PHEX: variants seen among roughly 807,000 people sequenced by gnomAD.
PHEX encodes the protein phosphate-regulating neutral endopeptidase PHEX.
A neutral mutation model predicts 68.0 loss-of-function variants in PHEX; 16 were observed. The ratio of observed to expected loss-of-function variants is 0.24; its 90% CI spans 0.16 to 0.36. The LOEUF is 0.36. Among genes scored for constraint, PHEX ranks in the 10% least tolerant of loss-of-function variants. PHEX has a pLI of 1.00. For synonymous variants in PHEX, 208 were observed against 205.1 expected (o/e 1.01, Z -0.12); for missense variants, 480 against 575.5 (o/e 0.83, Z 1.70).
intron 1 of PHEX, among the ~76,000 whole-genome samples, chrX:22,036,311 C>T (rs1184683737): frequency 9.2e-6 from 1 of 108,986 alleles, no homozygotes; most frequent in South Asian, 3.9e-4. Flanking sequence ...CCGCCCACCT[C>T]GGCCACCCAA....
intron 1 of PHEX, among the ~76,000 whole-genome samples, chrX:22,034,615 C>G (rs1402542020): frequency 2.7e-5 from 3 of 111,920 alleles, no homozygotes; most frequent in Non-Finnish European, 5.6e-5. Flanking sequence ...TGCCCAATAA[C>G]CTGGCTCTCA....
intron 10 of PHEX, among the ~76,000 whole-genome samples, 153 bp downstream of exon 10, chrX:22,111,713 C>T (rs967298907): frequency 9.0e-6 from 1 of 110,925 alleles, no homozygotes; most frequent in Admixed American, 9.6e-5. Flanking sequence ...TGTGTGTGTG[C>T]CTTATTTATT....
intron 9 of PHEX, among the ~76,000 whole-genome samples, chrX:22,103,134 A>C (rs1930504192): frequency 9.1e-6 from 1 of 110,431 alleles, no homozygotes; most frequent in African/African-American, 3.3e-5. Context: ...TTTTCCATAA[A>C]TGTCTTGGTG....
At chrX:22,062,573 G>C (rs1033379112) in intron 3 of PHEX, among the ~76,000 whole-genome samples, 2 of 111,270 alleles carry the variant, frequency 1.8e-5, no homozygotes, top group African/African-American at 6.5e-5. Context: ...ATTTGGACCA[G>C]CCACATTGCA....
chrX:22,056,213 C>G (rs1928098401), intron 3 of PHEX, among the ~76,000 whole-genome samples: 1 of 112,304 alleles, frequency 8.9e-6, no homozygotes, highest in Non-Finnish European at 1.9e-5. Flanking sequence ...TCGTAAGTAA[C>G]AGACAGCCCA....
At chrX:22,154,851 A>C (rs1413305549) in intron 12 of PHEX, among the ~76,000 whole-genome samples, 1 of 112,237 alleles carries the variant, frequency 8.9e-6, no homozygotes, top group Non-Finnish European at 1.9e-5. Context: ...CAAGCCATAT[A>C]TGTGGGCACT....
intron 18 of PHEX, among the ~76,000 whole-genome samples, chrX:22,222,862 TA>T (rs1459087903): frequency 8.9e-6 from 1 of 111,867 alleles, no homozygotes; most frequent in Non-Finnish European, 1.9e-5. Flanking sequence ...TCAAAGAGAT[TA>T]AAATCCACGG....
chrX:22,131,396 C>G (rs972132839), intron 11 of PHEX, among the ~76,000 whole-genome samples: 2 of 112,730 alleles, frequency 1.8e-5, no homozygotes, highest in Non-Finnish European at 3.7e-5. Flanking sequence ...AAGTTAAGAA[C>G]CACCGACTTA....
At chrX:22,155,454 G>A (rs2147106473) in intron 12 of PHEX, among the ~76,000 whole-genome samples, 1 of 112,372 alleles carries the variant, frequency 8.9e-6, no homozygotes, top group Non-Finnish European at 1.9e-5. Flanking sequence ...ACTGGAGGAG[G>A]ATTAAGTAGC....
Position 22,113,923 on chromosome X carries a change from C to T in PHEX, c.1174-535C>T, listed in dbSNP as rs183378770. Among the ~76,000 whole-genome samples, 4 of 103,974 alleles carry T rather than the reference C, an allele frequency of 3.8e-5. No homozygotes were observed. In the East Asian group the frequency reaches 1.2e-3, roughly 32 times the overall value. The allele number at this position is 103,974 out of a possible 115,157, so 90.3% of individuals were successfully genotyped here. The stretch of plus-strand genomic sequence containing the variant: ...ACATATATTATTTTAACTGTTAAAT[C>T]ACTTTCTTTTCTTCTTCTTCTTTTT... On this transcript the variant is annotated intron_variant, in intron 10 of 21. Coordinates refer to ENST00000379374, the MANE Select transcript of PHEX (RefSeq NM_000444.6).
At chrX:22,227,469 C>A (rs930811305) in intron 19 of PHEX, 38 bp from the exon 20 acceptor site, 4 of 977,831 alleles carry the variant, frequency 4.1e-6, no homozygotes, top group Non-Finnish European at 5.9e-6. Flanking sequence ...GAAAAACCCA[C>A]CGTTGCAGAG....
At chrX:22,213,942 G>T (rs1569429322) in intron 16 of PHEX, among the ~76,000 whole-genome samples, 1 of 112,403 alleles carries the variant, frequency 8.9e-6, no homozygotes, top group African/African-American at 3.2e-5. Flanking sequence ...GGAAACACCA[G>T]TAGGGGAGTG....
intron 12 of PHEX, among the ~76,000 whole-genome samples, chrX:22,153,778 C>T (rs772562303): frequency 8.9e-5 from 10 of 111,925 alleles, no homozygotes; most frequent in African/African-American, 1.3e-4. Flanking sequence ...TATAATTAAA[C>T]GGAATATTAC....
intron 3 of PHEX, among the ~76,000 whole-genome samples, chrX:22,067,895 C>T (rs989080838): frequency 1.8e-5 from 2 of 108,936 alleles, no homozygotes; most frequent in African/African-American, 3.4e-5. Flanking sequence ...TGCAATGGCA[C>T]GGTCTTGGCT....
chrX:22,234,818 C>CAAA (rs371302739), intron 20 of PHEX, among the ~76,000 whole-genome samples: 7,044 of 87,367 alleles, frequency 0.081, 297 homozygotes, highest in Middle Eastern at 0.14. Context: ...AGTGGGGTAT[C>CAAA]AAAAAAAAAA....
chrX:22,125,995 G>A (rs534074217), intron 11 of PHEX, among the ~76,000 whole-genome samples: 3 of 111,476 alleles, frequency 2.7e-5, no homozygotes, highest in African/African-American at 9.8e-5. Context: ...ACTCTGCTAG[G>A]TGCCAATTGA....
At chrX:22,090,804 A>G (rs1239478391) in intron 6 of PHEX, among the ~76,000 whole-genome samples, 4 of 111,919 alleles carry the variant, frequency 3.6e-5, no homozygotes, top group African/African-American at 1.3e-4. Context: ...AGAGCTCACT[A>G]TCAATTGCAG....
chrX:22,081,669 G>GGC (rs1384116392), intron 5 of PHEX, among the ~76,000 whole-genome samples: 1 of 110,195 alleles, frequency 9.1e-6, no homozygotes, highest in East Asian at 2.9e-4. Context: ...CATGCAGTTT[G>GGC]GCCAGCAGGG....
Position 22,249,157 on chromosome X carries a change from T to C in PHEX, c.*1204T>C, listed in dbSNP as rs1936479259. On this transcript the variant is annotated 3_prime_UTR_variant, in exon 22 of 22. Transcript: ENST00000379374. ...TGTGAGAAAGAGCAGTACTATGTGT[T>C]TTATCCTTAGAGCATTATCCTTCTA... 1 of 108,517 alleles carries C rather than the reference T, an allele frequency of 9.2e-6. No homozygotes were observed. The highest frequency in any genetic ancestry group is 1.9e-5 in the Non-Finnish European group (1 of 52,494). 8.9% of individuals were successfully genotyped at this position (108,517 alleles called of 1,213,427 possible).
Sources: allele counts gnomAD v4.1 joint callset (sites outside exome capture counted in the v4.1 genomes callset), GRCh38; gene constraint gnomAD v4.1.1; transcripts MANE v1.5; gene names NCBI Gene and HGNC (gene_info 2026-07-23, HGNC 2026-07-21).